The following SCN4A variants were observed in gnomAD, a reference collection of about 807,000 sequenced individuals.
The protein encoded by SCN4A is sodium channel protein type 4 subunit alpha.
A neutral mutation model predicts 162.0 loss-of-function variants in SCN4A; 83 were observed. That is an observed-to-expected ratio of 0.51 (90% CI 0.43 to 0.61). The LOEUF (loss-of-function observed/expected upper bound fraction) is 0.61, where lower values mean the gene tolerates loss of function less well. SCN4A is among the 20% of genes least tolerant of loss of function. The pLI, the probability that SCN4A is intolerant of heterozygous loss-of-function variation, is 0.00. For synonymous variants in SCN4A, 944 were observed against 985.1 expected (o/e 0.96, Z 0.78); for missense variants, 2,196 against 2,462.5 (o/e 0.89, Z 2.29).
At chr17:63,953,904 A>G (rs1378514363) in intron 13 of SCN4A, among the ~76,000 whole-genome samples, 2 of 152,140 alleles carry the variant, frequency 1.3e-5, no homozygotes, top group Non-Finnish European at 2.9e-5. Flanking sequence ...CACTTAGCCT[A>G]CAAGGTGAAT....
chr17:63,972,000 G>T, intron 3 of SCN4A, 136 bp downstream of exon 3: 1 of 1,042,728 alleles, frequency 9.6e-7, no homozygotes, highest in South Asian at 1.4e-5. Context: ...GGCCACCCCA[G>T]GGACTCAAGG....
In SCN4A at chr17:63,940,496, C is replaced by T. The variant is rs996487829; in HGVS notation, c.*275G>A. 4.6e-6 allele frequency: 2 copies of T among 439,250 alleles called. No homozygotes were observed. The highest frequency in any genetic ancestry group is 7.7e-5 in the Admixed American group (2 of 25,880). The allele number at this position is 439,250 out of a possible 1,614,324, so 27.2% of individuals were successfully genotyped here. ...AGGCCAAAAGGAGGGGCGACAGGGC[C>T]CAGAGGAGGTCAGAGCAACTTGCAG... On this transcript the variant is annotated 3_prime_UTR_variant, in exon 24 of 24. Coordinates refer to ENST00000435607, the MANE Select transcript of SCN4A (RefSeq NM_000334.4).
chr17:63,971,543 C>T (rs1909609356), intron 4 of SCN4A, among the ~76,000 whole-genome samples, 179 bp downstream of exon 4: 1 of 152,096 alleles, frequency 6.6e-6, no homozygotes, highest in African/African-American at 2.4e-5. Context: ...ATCAGGAGTC[C>T]ATCAGGAGAG....
At chr17:63,966,302 A>C in intron 7 of SCN4A, 59 bp from the exon 8 acceptor site, 1 of 1,548,056 alleles carries the variant, frequency 6.5e-7, no homozygotes, top group Non-Finnish European at 8.8e-7. Flanking sequence ...CTGGGGGCAG[A>C]TAGGGACCCC....
chr17:63,966,395 C>T (rs1909447094), intron 7 of SCN4A, 86 bp downstream of exon 7: 2 of 1,434,268 alleles, frequency 1.4e-6, no homozygotes, highest in African/African-American at 2.8e-5. Context: ...CCTGCACTCC[C>T]ATGCCCCCCA....
At position 63,957,538 on chromosome 17, in the gene SCN4A, A is replaced by G; in HGVS notation, c.2020-20T>C. The G allele has an allele frequency of 6.4e-7, 1 of 1,565,758 alleles. No individual in the cohort carries two copies. The highest frequency in any genetic ancestry group is 8.8e-7 in the Non-Finnish European group (1 of 1,141,730). On this transcript the variant is annotated intron_variant, in intron 12 of 23. Transcript: ENST00000435607. ...CCGCAGCTGCCAAGCAGGGAGGGCA[A>G]GGGTGAATGAGGCCCAGGGACCACC...
At chr17:63,961,452 G>A in intron 10 of SCN4A, 21 bp from the exon 11 acceptor site, 1 of 1,570,182 alleles carries the variant, frequency 6.4e-7, no homozygotes, top group Non-Finnish European at 8.8e-7. Context: ...GGTGGTAGCA[G>A]GTATCTGGTG....
chr17:63,961,213 C>A lies in SCN4A; in HGVS notation c.1825G>T (p.Val609Leu), dbSNP rs752056845. 12 of 1,603,014 alleles carry A rather than the reference C, an allele frequency of 7.5e-6. No homozygotes were observed. In the South Asian group the frequency reaches 1.3e-4, roughly 18 times the overall value. ...CCTACCAGGTTGCCCACAGTGAGCA[C>A]GTTGTCAAAGTGCTCCGTCATGGGG... Reference protein sequence around the residue: ...HYPMTEHFDNVLTVGNLVFTG... With the variant: ...HYPMTEHFDNLLTVGNLVFTG... Residue 609 changes from valine to leucine, a missense_variant, in exon 11 of 24, where the codon GTG becomes TTG. Val to Leu is a conservative substitution (Grantham distance 32). Transcript: ENST00000435607.
intron 12 of SCN4A, 59 bp from the exon 13 acceptor site, chr17:63,957,577 C>G: frequency 1.7e-6 from 2 of 1,206,274 alleles, no homozygotes; most frequent in South Asian, 2.7e-5. Flanking sequence ...CAAGGCAGCC[C>G]CAGCCTTAGG....
Position 63,971,786 on chromosome 17 carries a change from C to A in SCN4A, c.547G>T (p.Val183Phe). Residue 183 changes from valine to phenylalanine, a missense_variant, in exon 4 of 24, where the codon GTC (valine) becomes TTC (phenylalanine). Coordinates refer to ENST00000435607, the MANE Select transcript of SCN4A (RefSeq NM_000334.4). ...LIKILARGFC[V>F]DDFTFLRDPW... ...TCCCGGAGGAATGTGAAGTCGTCGACACAGAAGCCTCGGGCCAGTATCTTG... is the reference window on the plus strand; with the variant it reads ...TCCCGGAGGAATGTGAAGTCGTCGAAACAGAAGCCTCGGGCCAGTATCTTG... 1 of 1,613,318 alleles carries A rather than the reference C, an allele frequency of 6.2e-7. No homozygotes were observed. Among genetic ancestry groups the A allele is most frequent in the Admixed American group, 1.7e-5 (1 of 59,892 alleles).
At chr17:63,959,964 C>T (rs1909194084) in intron 11 of SCN4A, among the ~76,000 whole-genome samples, 1 of 152,246 alleles carries the variant, frequency 6.6e-6, no homozygotes, top group Non-Finnish European at 1.5e-5. Flanking sequence ...AGCCTCTCCA[C>T]AGGGACCACT....
At chr17:63,949,253 G>T in intron 15 of SCN4A, 140 bp downstream of exon 15, 2 of 903,708 alleles carry the variant, frequency 2.2e-6, no homozygotes, top group Non-Finnish European at 3.3e-6. Context: ...GGCATGCACT[G>T]CCACCACCCC....
At chr17:63,952,917 A>G (rs1483396871) in intron 13 of SCN4A, among the ~76,000 whole-genome samples, 1 of 152,198 alleles carries the variant, frequency 6.6e-6, no homozygotes, top group Non-Finnish European at 1.5e-5. Flanking sequence ...ACTGGAGTGC[A>G]CAGCTTTTGA....
intron 13 of SCN4A, among the ~76,000 whole-genome samples, chr17:63,954,058 C>A (rs1399414004): frequency 1.3e-5 from 2 of 152,146 alleles, no homozygotes; most frequent in Non-Finnish European, 2.9e-5. Flanking sequence ...TTCCTCGGAG[C>A]CCTGGGGGAG....
At chr17:63,947,813 G>A in intron 17 of SCN4A, 77 bp downstream of exon 17, 1 of 1,478,974 alleles carries the variant, frequency 6.8e-7, no homozygotes, top group Non-Finnish European at 9.2e-7. Flanking sequence ...CTGCCCTTCA[G>A]GGCGTGGGCT....
Position 63,943,032 on chromosome 17 carries a change from A to T in SCN4A, c.4082T>A (p.Ile1361Asn), listed in dbSNP as rs930746692. The change falls in exon 23 of 24, where the codon ATC (isoleucine) becomes AAC (asparagine). Residue 1361 changes from isoleucine (I) to asparagine (N), a missense_variant. Ile to Asn is a moderately radical substitution (Grantham distance 149). Transcript: ENST00000435607. ...GGTGACCATGTTGAGGCAGATGAGG[A>T]TCATGATGGTGATGTCGAAGGCCTG... ...TKQAFDITIM[I>N]LICLNMVTMM... The T allele has an allele frequency of 6.2e-7, 1 of 1,613,966 alleles. No homozygotes were observed. The highest frequency in any genetic ancestry group is 8.5e-7 in the Non-Finnish European group (1 of 1,179,874).
At position 63,944,484 on chromosome 17, in the gene SCN4A, G is replaced by A. The variant is rs1039261916; in HGVS notation, c.3912+189C>T. Among the ~76,000 whole-genome samples the A allele has an allele frequency of 5.3e-5, 8 of 152,102 alleles. No individual in the cohort carries two copies. Among genetic ancestry groups the A allele is most frequent in the Admixed American group, 3.9e-4 (6 of 15,276 alleles). ...GTCTCATTTTACAGATAAGGACACC[G>A]AGGTTCATGGAGGCCAAGCCACTTG... On this transcript the variant is annotated intron_variant, in intron 21 of 23. Coordinates refer to ENST00000435607, the MANE Select transcript of SCN4A (RefSeq NM_000334.4). This position sits in a 1 kb window ranked among gnomAD's most constrained non-coding sequence, Gnocchi z 4.3.
At chr17:63,958,916 G>C (rs1482144138) in intron 12 of SCN4A, among the ~76,000 whole-genome samples, 3 of 152,140 alleles carry the variant, frequency 2.0e-5, no homozygotes, top group African/African-American at 7.2e-5. Flanking sequence ...AAATTCAGAG[G>C]TCCCAATCCT....
chr17:63,941,933 A>C lies in SCN4A; in HGVS notation c.4349T>G (p.Ile1450Ser), dbSNP rs555922250. The C allele has an allele frequency of 1.9e-6, 3 of 1,608,724 alleles. No individual in the cohort carries two copies. Among genetic ancestry groups the C allele is most frequent in the Non-Finnish European group, 2.6e-6 (3 of 1,175,782 alleles). Reference protein sequence around the residue: ...YFVSPTLFRVIRLARIGRVLR... With the variant: ...YFVSPTLFRVSRLARIGRVLR... Reference sequence around the variant, plus strand: ...GACACGCCCAATCCGCGCCAGGCGGATCACACGGAACAGCGTGGGTGACAC... The same window carrying C: ...GACACGCCCAATCCGCGCCAGGCGGCTCACACGGAACAGCGTGGGTGACAC... Residue 1450 changes from isoleucine to serine, a missense_variant, in exon 24 of 24, where the codon ATC becomes AGC. Physicochemically the swap from Ile to Ser is moderately radical, Grantham distance 142. Transcript: ENST00000435607. The surrounding 1 kb of genome is among the most constrained non-coding windows in gnomAD (Gnocchi z 6.2).
Sources: allele counts gnomAD v4.1 joint callset (sites outside exome capture counted in the v4.1 genomes callset), GRCh38; gene constraint gnomAD v4.1.1; non-coding constraint Gnocchi (gnomAD v3.1); transcripts MANE v1.5; gene names NCBI Gene and HGNC (gene_info 2026-07-23, HGNC 2026-07-21).